Variants in GTF3C5 observed in about 807,000 individuals in gnomAD.
GTF3C5 encodes general transcription factor 3C polypeptide 5.
A neutral mutation model predicts 61.0 loss-of-function variants in GTF3C5; 47 were observed. The observed-to-expected ratio is 0.77, with a 90% CI of 0.61 to 0.98. The LOEUF is 0.98. GTF3C5 is among the 50% of genes least tolerant of loss of function. The probability of loss-of-function intolerance (pLI) is 0.00; values close to 1 mark genes in which losing one functional copy is unlikely to be tolerated. For synonymous variants in GTF3C5, 295 were observed against 275.4 expected (o/e 1.07, Z -0.71); for missense variants, 659 against 703.3 (o/e 0.94, Z 0.71).
At chr9:133,036,235 C>T (rs1219405388) in intron 1 of GTF3C5, among the ~76,000 whole-genome samples, 1 of 152,160 alleles carries the variant, frequency 6.6e-6, no homozygotes, top group Admixed American at 6.5e-5. Context: ...TGTTAGGAGA[C>T]CTGCTGGGTT....
chr9:133,033,930 T>C (rs897948352), intron 1 of GTF3C5, among the ~76,000 whole-genome samples: 16 of 152,082 alleles, frequency 1.1e-4, no homozygotes, highest in Non-Finnish European at 8.8e-5. Context: ...CCTGATATGT[T>C]TGGGGAGAGC....
At chr9:133,047,229 T>TC (rs1189851396) in intron 3 of GTF3C5, among the ~76,000 whole-genome samples, 3 of 152,088 alleles carry the variant, frequency 2.0e-5, no homozygotes, top group Non-Finnish European at 2.9e-5. Flanking sequence ...GTTCACTTTT[T>TC]CCCGATTGTC....
intron 3 of GTF3C5, among the ~76,000 whole-genome samples, chr9:133,046,271 C>T (rs1039966646): frequency 1.3e-5 from 2 of 152,116 alleles, no homozygotes; most frequent in African/African-American, 4.8e-5. Flanking sequence ...TTTGAGGCTG[C>T]AGTGAATATG....
Position 133,042,137 on chromosome 9 carries a change from C to T in GTF3C5, c.204C>T (p.Asp68=), listed in dbSNP as rs1278343087. The change falls in exon 2 of 11, where the codon GAC becomes GAT. Residue 68 remains aspartate, a synonymous_variant. Coordinates refer to ENST00000372097, the MANE Select transcript of GTF3C5 (RefSeq NM_012087.4). ...TGGAGCTGTACTTCCGGCCCAAGGACCCATACTGCCACCCAGTGTGCGCCA... is the reference window on the plus strand; with the variant it reads ...TGGAGCTGTACTTCCGGCCCAAGGATCCATACTGCCACCCAGTGTGCGCCA... The part of the protein sequence containing the change: ...KRLELYFRPK[D]PYCHPVCANR... 1.8e-5 allele frequency: 29 copies of T among 1,613,976 alleles called. No homozygotes were observed. The highest frequency in any genetic ancestry group is 2.5e-5 in the Non-Finnish European group (29 of 1,180,000).
At chr9:133,032,887 G>T (rs1849768443) in intron 1 of GTF3C5, among the ~76,000 whole-genome samples, 1 of 152,186 alleles carries the variant, frequency 6.6e-6, no homozygotes, top group Admixed American at 6.5e-5. Flanking sequence ...ACCTTGCAGT[G>T]CCTTTGTTAT....
intron 3 of GTF3C5, among the ~76,000 whole-genome samples, chr9:133,049,763 G>A (rs1588474570): frequency 6.6e-6 from 1 of 152,322 alleles, no homozygotes; most frequent in African/African-American, 2.4e-5. Context: ...CTTTGTATGT[G>A]TGTGTATGTG....
chr9:133,036,384 A>C (rs184076471), intron 1 of GTF3C5, among the ~76,000 whole-genome samples: 1 of 152,242 alleles, frequency 6.6e-6, no homozygotes, highest in Admixed American at 6.5e-5. Context: ...CTCACAACTA[A>C]ATCTCCCCCA....
chr9:133,058,203 T>C lies in GTF3C5; in HGVS notation c.*223T>C. The C allele has an allele frequency of 1.5e-6, 2 of 1,331,568 alleles. No homozygotes were observed. The highest frequency in any genetic ancestry group is 1.9e-6 in the Non-Finnish European group (2 of 1,036,608). The allele number at this position is 1,331,568 out of a possible 1,614,324, so 82.5% of individuals were successfully genotyped here. ...AGGGGTTAGGGACATCCCCAAAGGGTATACCCTGGCTCTGCCACCCATGAA... is the reference window on the plus strand; with the variant it reads ...AGGGGTTAGGGACATCCCCAAAGGGCATACCCTGGCTCTGCCACCCATGAA... On this transcript the variant is annotated 3_prime_UTR_variant, in exon 11 of 11. Transcript: ENST00000372097.
At chr9:133,047,084 G>T (rs1027062254) in intron 3 of GTF3C5, among the ~76,000 whole-genome samples, 3 of 152,174 alleles carry the variant, frequency 2.0e-5, no homozygotes, top group Non-Finnish European at 4.4e-5. Flanking sequence ...ACCCCCAGTG[G>T]CACAGTGCTG....
chr9:133,049,318 C>T lies in GTF3C5; in HGVS notation c.573-1465C>T, dbSNP rs140212882. Among the ~76,000 whole-genome samples, 348 of 152,340 alleles carry T rather than the reference C, an allele frequency of 2.3e-3. 2 individuals carry two copies. Among genetic ancestry groups the T allele is most frequent in the African/African-American group, 8.0e-3 (332 of 41,576 alleles). ...TTTTCCTGGGGAACATCTTTGAAAA[C>T]GCGATAGTGCTGACCTGTCCCGTGC... On this transcript the variant is annotated intron_variant, in intron 3 of 10. Coordinates refer to ENST00000372097, the MANE Select transcript of GTF3C5 (RefSeq NM_012087.4).
rs1829921509 is a variant in GTF3C5, at chr9:133,055,816, C to T, written c.1168-196C>T. On this transcript the variant is annotated intron_variant, in intron 8 of 10. Transcript: ENST00000372097. ...AGGGCCTGGGTGCTCCTCTGCCTCT[C>T]CCAGAGCCTCCTGGGGAGTTGGACA... 12 of 1,396,980 alleles carry T rather than the reference C, an allele frequency of 8.6e-6. No individual in the cohort carries two copies. In the South Asian group the frequency reaches 1.7e-4, roughly 20 times the overall value. 86.5% of individuals were successfully genotyped at this position (1,396,980 alleles called of 1,614,324 possible). A position where few individuals can be genotyped will look rare whatever the true frequency, so the allele number is the denominator to read the frequency against.
intron 1 of GTF3C5, among the ~76,000 whole-genome samples, chr9:133,037,487 A>G (rs575536539): frequency 2.1e-3 from 317 of 151,928 alleles, no homozygotes; most frequent in African/African-American, 7.2e-3. Context: ...CCTTCTTACT[A>G]TTTCCCCCCG....
At chr9:133,037,171 TGTCTC>T (rs1179975902) in intron 1 of GTF3C5, among the ~76,000 whole-genome samples, 3 of 152,114 alleles carry the variant, frequency 2.0e-5, no homozygotes, top group East Asian at 3.9e-4. Flanking sequence ...CAAGCAAAAA[TGTCTC>T]GGCTGTCCTC....
intron 3 of GTF3C5, among the ~76,000 whole-genome samples, chr9:133,047,212 A>G (rs1850234655): frequency 6.6e-6 from 1 of 152,106 alleles, no homozygotes; most frequent in South Asian, 2.1e-4. Context: ...ACCCACAACC[A>G]GTCCTTGTTC....
At chr9:133,039,040 G>C (rs1404958339) in intron 1 of GTF3C5, among the ~76,000 whole-genome samples, 1 of 152,194 alleles carries the variant, frequency 6.6e-6, no homozygotes, top group Non-Finnish European at 1.5e-5. Flanking sequence ...AACCCTACCA[G>C]GTAGGAACTG....
chr9:133,046,167 A>T (rs960412126), intron 3 of GTF3C5, among the ~76,000 whole-genome samples: 17 of 152,162 alleles, frequency 1.1e-4, no homozygotes, highest in Non-Finnish European at 2.1e-4. Flanking sequence ...CTCTACAAAA[A>T]AAACTAAAAA....
chr9:133,055,888 A>G (rs1829923145), intron 8 of GTF3C5, 124 bp from the exon 9 acceptor site: 3 of 1,475,568 alleles, frequency 2.0e-6, no homozygotes, highest in South Asian at 2.8e-5. Flanking sequence ...TGTCTGCCCA[A>G]CCTGCTCCTG....
At chr9:133,042,404 G>T (rs996503541) in intron 2 of GTF3C5, 98 bp downstream of exon 2, 6 of 798,544 alleles carry the variant, frequency 7.5e-6, no homozygotes, top group African/African-American at 6.7e-5. Flanking sequence ...AGTGGAGGGG[G>T]CCAGGATATG....
chr9:133,030,983 C>T (rs1205553113), upstream of GTF3C5: 1 of 1,611,190 alleles, frequency 6.2e-7, no homozygotes, highest in Non-Finnish European at 8.5e-7. Flanking sequence ...GTGGGACGGA[C>T]CCTGGCGGGC....
Sources: allele counts gnomAD v4.1 joint callset (sites outside exome capture counted in the v4.1 genomes callset), GRCh38; gene constraint gnomAD v4.1.1; transcripts MANE v1.5; gene names NCBI Gene and HGNC (gene_info 2026-07-23, HGNC 2026-07-21).